Variants in VIL1 observed in about 807,000 individuals in gnomAD.
The protein encoded by VIL1 is villin-1.
A neutral mutation model predicts 104.0 loss-of-function variants in VIL1; 86 were observed. The ratio of observed to expected loss-of-function variants is 0.83; its 90% CI spans 0.69 to 0.99. VIL1 has a LOEUF of 0.99. VIL1 is among the 50% of genes least tolerant of loss of function. The pLI, the probability that VIL1 is intolerant of heterozygous loss-of-function variation, is 0.00. For missense variants in VIL1, 944 were observed against 1,054.1 expected, an observed-to-expected ratio of 0.90 and a Z score of 1.45; for synonymous variants, 394 against 412.6, an observed-to-expected ratio of 0.95 and a Z score of 0.55.
chr2:218,434,442 T>A, intron 13 of VIL1, 84 bp from the exon 14 acceptor site: 9 of 1,365,000 alleles, frequency 6.6e-6, no homozygotes, highest in Non-Finnish European at 8.0e-6. Flanking sequence ...CTCCCCGCCC[T>A]ACCCTATCCC....
At position 218,430,807 on chromosome 2, in the gene VIL1, A is replaced by T; in HGVS notation, c.1031A>T (p.Gln344Leu). ...NDGAESAVFQQLFQKWTASNR... is the reference protein window; with the variant it reads ...NDGAESAVFQLLFQKWTASNR... ...GGGGCTGAGTCGGCCGTCTTTCAGC[A>T]GCTCTTCCAGAAGTGGACAGCGTCC... Residue 344 changes from glutamine to leucine, a missense_variant, in exon 10 of 20, where the codon CAG (glutamine) becomes CTG (leucine). Gln to Leu is a moderately radical substitution (Grantham distance 113, BLOSUM62 -2). Transcript: ENST00000248444. The T allele has an allele frequency of 1.2e-6, 2 of 1,613,780 alleles. No individual in the cohort carries two copies. The highest frequency in any genetic ancestry group is 4.5e-5 in the East Asian group (2 of 44,886).
intron 19 of VIL1, among the ~76,000 whole-genome samples, chr2:218,447,323 CT>C (rs898378011): frequency 7.9e-5 from 12 of 151,640 alleles, no homozygotes; most frequent in African/African-American, 2.4e-4. Flanking sequence ...GCAATAAAAT[CT>C]TTTTTTTGAG....
Position 218,424,340 on chromosome 2 carries a change from A to G in VIL1, c.139A>G (p.Ile47Val). 1 of 1,613,832 alleles carries G rather than the reference A, an allele frequency of 6.2e-7. No individual in the cohort carries two copies. The highest frequency in any genetic ancestry group is 8.5e-7 in the Non-Finnish European group (1 of 1,179,986). ...FGSFFDGDCYIILAIHKTASS... is the reference protein window; with the variant it reads ...FGSFFDGDCYVILAIHKTASS... ...AAGCTTCTTCGATGGTGACTGCTACATCATCCTGGCTGTGAGTCAGGGGCA... is the reference window on the plus strand; with the variant it reads ...AAGCTTCTTCGATGGTGACTGCTACGTCATCCTGGCTGTGAGTCAGGGGCA... Residue 47 changes from isoleucine (I) to valine (V), a missense_variant, in exon 3 of 20, where the codon ATC becomes GTC. Coordinates refer to ENST00000248444, the MANE Select transcript of VIL1 (RefSeq NM_007127.3).
rs1272785579 is a variant in VIL1, at chr2:218,429,688, G to A, written c.849+13G>A. 6.2e-7 allele frequency: 1 copy of A among 1,613,862 alleles called. No individual in the cohort carries two copies. ...GCTCAGTCACGAGGTAAGAGGGTCT[G>A]GAGACCCCTCAGCCTACTGCAGCCT... On this transcript the variant is annotated intron_variant, in intron 8 of 19. Coordinates refer to ENST00000248444, the MANE Select transcript of VIL1 (RefSeq NM_007127.3).
chr2:218,452,738 T>C lies in VIL1; in HGVS notation c.*3402T>C, dbSNP rs552424878. On this transcript the variant is annotated 3_prime_UTR_variant, in exon 20 of 20. Coordinates refer to ENST00000248444, the MANE Select transcript of VIL1 (RefSeq NM_007127.3). ...TGCTTCATGAGGCAATCTAGACTTA[T>C]GGCATTATTTCTACTTTTCTCCATG... The C allele has an allele frequency of 7.9e-5, 12 of 152,376 alleles. No homozygotes were observed. Among genetic ancestry groups the C allele is most frequent in the African/African-American group, 2.6e-4 (11 of 41,592 alleles). 9.4% of individuals were successfully genotyped at this position (152,376 alleles called of 1,614,324 possible). A position where few individuals can be genotyped will look rare whatever the true frequency, so the allele number is the denominator to read the frequency against.
chr2:218,436,381 G>T (rs1689190067), intron 15 of VIL1, 101 bp from the exon 16 acceptor site: 2 of 1,461,998 alleles, frequency 1.4e-6, no homozygotes, highest in Admixed American at 2.2e-5. Flanking sequence ...TGCTGGAGAT[G>T]ACCTTTCTAT....
At chr2:218,446,152 G>A (rs909876658) in intron 19 of VIL1, among the ~76,000 whole-genome samples, 3 of 151,950 alleles carry the variant, frequency 2.0e-5, no homozygotes, top group East Asian at 1.9e-4. Context: ...CTACCCTCCC[G>A]CTCTAAGCAA....
At chr2:218,431,167 A>G (rs989149411) in intron 10 of VIL1, 7 of 527,536 alleles carry the variant, frequency 1.3e-5, no homozygotes, top group African/African-American at 5.9e-5. Context: ...TAACATGGTG[A>G]AACCCCGTCT....
In VIL1 at chr2:218,432,290, G is replaced by A. The variant is rs547321178; in HGVS notation, c.1341+107G>A. The stretch of plus-strand genomic sequence containing the variant: ...TTGGGTTGAATACCTCTGGGGATGG[G>A]GTGCTCACCCCTTCAAGAAGGACTG... On this transcript the variant is annotated intron_variant, in intron 12 of 19. Transcript: ENST00000248444. 1.3e-5 allele frequency: 20 copies of A among 1,485,890 alleles called. No homozygotes were observed. In the African/African-American group the frequency reaches 2.1e-4, roughly 15 times the overall value. The allele number at this position is 1,485,890 out of a possible 1,614,324, so 92.0% of individuals were successfully genotyped here.
At chr2:218,448,243 G>A (rs761372568) in intron 19 of VIL1, among the ~76,000 whole-genome samples, 42 of 151,320 alleles carry the variant, frequency 2.8e-4, no homozygotes, top group Non-Finnish European at 5.0e-4. Context: ...CTGTGTGACA[G>A]AGCAAGACCG....
intron 15 of VIL1, 84 bp downstream of exon 15, chr2:218,435,518 C>T: frequency 2.6e-6 from 4 of 1,513,550 alleles, no homozygotes; most frequent in Non-Finnish European, 3.6e-6. Flanking sequence ...GAGCCTACAG[C>T]AGGCATGGAC....
intron 5 of VIL1, 24 bp downstream of exon 5, chr2:218,428,097 C>G (rs761498438): frequency 6.2e-7 from 1 of 1,611,416 alleles, no homozygotes; most frequent in Non-Finnish European, 8.5e-7. Context: ...ACTGGAGCAT[C>G]GGCCAGGGCT....
chr2:218,439,273 G>C (rs1362328964), intron 18 of VIL1, among the ~76,000 whole-genome samples: 1 of 151,970 alleles, frequency 6.6e-6, no homozygotes, highest in East Asian at 1.9e-4. Context: ...GGGAGATGGG[G>C]GCAGGGAGTG....
rs776864873 is a variant in VIL1, at chr2:218,451,225, A to T, written c.*1889A>T. 4 of 152,184 alleles carry T rather than the reference A, an allele frequency of 2.6e-5. No homozygotes were observed. Among genetic ancestry groups the T allele is most frequent in the Non-Finnish European group, 5.9e-5 (4 of 68,028 alleles). The allele number at this position is 152,184 out of a possible 1,614,324, so 9.4% of individuals were successfully genotyped here. The stretch of plus-strand genomic sequence containing the variant: ...AGTATAAAGCAAAATGGGGAGGAAA[A>T]AGACATCCATCCATTTTATTGGAAC... On this transcript the variant is annotated 3_prime_UTR_variant, in exon 20 of 20. Coordinates refer to ENST00000248444, the MANE Select transcript of VIL1 (RefSeq NM_007127.3).
chr2:218,422,553 C>A (rs10189479), intron 1 of VIL1, among the ~76,000 whole-genome samples: 69,187 of 152,012 alleles, frequency 0.46, 16,200 homozygotes, highest in African/African-American at 0.56. Context: ...AGAGACTGGG[C>A]AGGGCCTTAC....
chr2:218,445,080 A>C (rs1445206610), intron 19 of VIL1, among the ~76,000 whole-genome samples: 1 of 152,090 alleles, frequency 6.6e-6, no homozygotes, highest in Admixed American at 6.6e-5. Flanking sequence ...TCCCCAAATC[A>C]TTTATATTTA....
intron 10 of VIL1, chr2:218,431,265 C>G (rs961485180): frequency 3.3e-6 from 1 of 306,164 alleles, no homozygotes; most frequent in African/African-American, 2.2e-5. Context: ...GCTGGAGAAT[C>G]GCTTGAATTC....
At position 218,449,414 on chromosome 2, in the gene VIL1, C is replaced by A; in HGVS notation, c.*78C>A. The stretch of plus-strand genomic sequence containing the variant: ...TTTTCTCACCGATATTAGTCCTACA[C>A]CAATTGAAGTGAAATTTTGCAGATG... On this transcript the variant is annotated 3_prime_UTR_variant, in exon 20 of 20. Coordinates refer to ENST00000248444, the MANE Select transcript of VIL1 (RefSeq NM_007127.3). 1 of 1,231,214 alleles carries A rather than the reference C, an allele frequency of 8.1e-7. No homozygotes were observed. Among genetic ancestry groups the A allele is most frequent in the Non-Finnish European group, 1.2e-6 (1 of 841,724 alleles). 76.3% of individuals were successfully genotyped at this position (1,231,214 alleles called of 1,614,324 possible).
chr2:218,426,241 G>A lies in VIL1; in HGVS notation c.347+430G>A, dbSNP rs1049387286. 2.0e-5 allele frequency among the ~76,000 whole-genome samples: 3 copies of A among 151,848 alleles called. No individual in the cohort carries two copies. The East Asian group carries it at 5.8e-4, about 29-fold the overall frequency. On this transcript the variant is annotated intron_variant, in intron 4 of 19. Coordinates refer to ENST00000248444, the MANE Select transcript of VIL1 (RefSeq NM_007127.3). ...GCCTATCACACTAAAAACCAAGACCGACAGCTTTTCTTTTTCTTCCTTTTT... is the reference window on the plus strand; with the variant it reads ...GCCTATCACACTAAAAACCAAGACCAACAGCTTTTCTTTTTCTTCCTTTTT...
Sources: allele counts gnomAD v4.1 joint callset (sites outside exome capture counted in the v4.1 genomes callset), GRCh38; gene constraint gnomAD v4.1.1; transcripts MANE v1.5; gene names NCBI Gene and HGNC (gene_info 2026-07-23, HGNC 2026-07-21).